LRIG3: variants seen among roughly 807,000 people sequenced by gnomAD.
LRIG3 encodes the protein leucine-rich repeats and immunoglobulin-like domains protein 3.
A neutral mutation model predicts 114.5 loss-of-function variants in LRIG3; 76 were observed. The ratio of observed to expected loss-of-function variants is 0.66; its 90% CI spans 0.55 to 0.80. The LOEUF is 0.80. LRIG3 is among the 30% of genes least tolerant of loss of function. The pLI, the probability that LRIG3 is intolerant of heterozygous loss-of-function variation, is 0.00. For missense variants in LRIG3, 1,239 were observed against 1,382.8 expected (o/e 0.90, Z 1.65); for synonymous variants, 512 against 519.8 (o/e 0.98, Z 0.20).
Position 58,878,902 on chromosome 12 carries a change from C to T in LRIG3, c.2005G>A (p.Glu669Lys). Reference protein sequence around the residue: ...DVFFIVDVKIEDIGVYSCTAQ... With the variant: ...DVFFIVDVKIKDIGVYSCTAQ... The stretch of plus-strand genomic sequence containing the variant: ...GTGCAGCTGTATACCCCAATGTCCT[C>T]TATCTTCACATCCACGATAAAGAAC... The change falls in exon 14 of 19, where the codon GAG becomes AAG. Residue 669 changes from glutamate (E) to lysine (K), a missense_variant. Coordinates refer to ENST00000320743, the MANE Select transcript of LRIG3 (RefSeq NM_153377.5). 6.2e-7 allele frequency: 1 copy of T among 1,614,210 alleles called. No homozygotes were observed. Among genetic ancestry groups the T allele is most frequent in the Non-Finnish European group, 8.5e-7 (1 of 1,180,048 alleles).
intron 7 of LRIG3, among the ~76,000 whole-genome samples, 190 bp downstream of exon 7, chr12:58,888,139 G>A (rs913454068): frequency 3.3e-5 from 5 of 152,058 alleles, no homozygotes; most frequent in African/African-American, 9.7e-5. Context: ...TTTTGCCAAC[G>A]TGACATAGAA....
At chr12:58,918,241 A>G (rs1872548454) in intron 1 of LRIG3, among the ~76,000 whole-genome samples, 1 of 152,256 alleles carries the variant, frequency 6.6e-6, no homozygotes, top group Admixed American at 6.5e-5. Context: ...AAATGTAATT[A>G]AAGACTGTGC....
chr12:58,915,262 C>T (rs547802936), intron 1 of LRIG3, among the ~76,000 whole-genome samples: 154 of 152,198 alleles, frequency 1.0e-3, no homozygotes, highest in African/African-American at 3.5e-3. Context: ...GATGAAAAAC[C>T]GGGATAACAA....
chr12:58,912,749 C>T (rs1408803477), intron 3 of LRIG3, among the ~76,000 whole-genome samples: 1 of 152,150 alleles, frequency 6.6e-6, no homozygotes, highest in Non-Finnish European at 1.5e-5. Flanking sequence ...AAAAAGGCCA[C>T]CTTGGTCAAA....
chr12:58,879,413 T>G (rs1871042444), intron 13 of LRIG3, among the ~76,000 whole-genome samples: 1 of 152,202 alleles, frequency 6.6e-6, no homozygotes, highest in South Asian at 2.1e-4. Flanking sequence ...AACTGTGAGA[T>G]CTTGGGTGTA....
chr12:58,917,429 G>A (rs1202744160), intron 1 of LRIG3, among the ~76,000 whole-genome samples: 1 of 152,096 alleles, frequency 6.6e-6, no homozygotes, highest in East Asian at 1.9e-4. Flanking sequence ...TGCCTTTAAT[G>A]GCAGTTGTGA....
Position 58,887,834 on chromosome 12 carries a change from T to C in LRIG3, c.1046A>G (p.Tyr349Cys). The C allele has an allele frequency of 6.2e-7, 1 of 1,613,854 alleles. No homozygotes were observed. Among genetic ancestry groups the C allele is most frequent in the Non-Finnish European group, 8.5e-7 (1 of 1,179,812 alleles). ...CCCCCGGAAGGCACAATCAGCAATG[T>C]AGCTGACTCTGTTGTTCCCAATGTG... The part of the protein sequence containing the change: ...TLHIGNNRVS[Y>C]IADCAFRGLS... The change falls in exon 8 of 19, where the codon TAC (tyrosine) becomes TGC (cysteine). Residue 349 changes from tyrosine (Y) to cysteine (C), a missense_variant. Transcript: ENST00000320743.
chr12:58,872,744 T>C lies in LRIG3; in HGVS notation c.3188A>G (p.Gln1063Arg). The C allele has an allele frequency of 6.2e-7, 1 of 1,614,144 alleles. No individual in the cohort carries two copies. Among genetic ancestry groups the C allele is most frequent in the Non-Finnish European group, 8.5e-7 (1 of 1,179,986 alleles). ...AGCTTTCAAATAAAAGGCTCTTGGC[T>C]GACAATCTGATGGCTGTCCAAAGCT... The part of the protein sequence containing the change: ...YSSFGQPSDC[Q>R]PRAFYLKAHS... Residue 1063 changes from glutamine to arginine, a missense_variant, in exon 19 of 19, where the codon CAG (glutamine) becomes CGG (arginine). Physicochemically the swap from Gln to Arg is conservative, Grantham distance 43. Transcript: ENST00000320743.
chr12:58,875,723 T>C (rs1055831385), intron 16 of LRIG3, among the ~76,000 whole-genome samples: 2 of 152,166 alleles, frequency 1.3e-5, no homozygotes, highest in African/African-American at 4.8e-5. Context: ...CTATGCAGCA[T>C]TGAAAGCAAG....
chr12:58,897,904 C>T (rs925588274), intron 3 of LRIG3, among the ~76,000 whole-genome samples: 2 of 152,154 alleles, frequency 1.3e-5, no homozygotes, highest in Non-Finnish European at 2.9e-5. Flanking sequence ...TTGAGTCTCC[C>T]CTACTAGGCT....
chr12:58,881,976 C>G (rs1298906872), intron 12 of LRIG3, among the ~76,000 whole-genome samples: 1 of 152,174 alleles, frequency 6.6e-6, no homozygotes, highest in Non-Finnish European at 1.5e-5. Flanking sequence ...GCAGTTCAGG[C>G]CCTTACAGAT....
chr12:58,873,938 G>T, intron 18 of LRIG3, 117 bp downstream of exon 18: 9 of 1,193,210 alleles, frequency 7.5e-6, no homozygotes, highest in Non-Finnish European at 1.1e-5. Flanking sequence ...TGTCATGGCA[G>T]CCTCATTCAA....
chr12:58,891,433 TCTC>T (rs1871452778), intron 3 of LRIG3, among the ~76,000 whole-genome samples: 1 of 152,014 alleles, frequency 6.6e-6, no homozygotes, highest in Non-Finnish European at 1.5e-5. Flanking sequence ...TCTGCTCCCT[TCTC>T]CTTATTAAAT....
At position 58,874,249 on chromosome 12, in the gene LRIG3, G is replaced by C. The variant is rs113449024; in HGVS notation, c.2921C>G (p.Ser974Cys). ...YIKKKECYPC[S>C]HPSEESCERS... ...TTCGCAGGATTCTTCTGAAGGATGAGAACATGGGTAGCACTCCTTTTTCTT... is the reference window on the plus strand; with the variant it reads ...TTCGCAGGATTCTTCTGAAGGATGACAACATGGGTAGCACTCCTTTTTCTT... Residue 974 changes from serine (S) to cysteine (C), a missense_variant, in exon 18 of 19, where the codon TCT (serine) becomes TGT (cysteine). Transcript: ENST00000320743. 3.1e-6 allele frequency: 5 copies of C among 1,614,186 alleles called. No individual in the cohort carries two copies. Among genetic ancestry groups the C allele is most frequent in the Middle Eastern group, 1.6e-4 (1 of 6,062 alleles).
At chr12:58,884,292 T>G (rs994212831) in intron 10 of LRIG3, among the ~76,000 whole-genome samples, 3 of 152,194 alleles carry the variant, frequency 2.0e-5, no homozygotes, top group African/African-American at 7.2e-5. Flanking sequence ...TACAGAGACT[T>G]ATAAGCACTC....
chr12:58,881,839 TAATA>T (rs946068962), intron 12 of LRIG3, among the ~76,000 whole-genome samples: 1 of 152,224 alleles, frequency 6.6e-6, no homozygotes, highest in African/African-American at 2.4e-5. Flanking sequence ...AATTCTCATC[TAATA>T]AATCGATGTT....
Position 58,885,868 on chromosome 12 carries a change from T to C in LRIG3, c.1207A>G (p.Lys403Glu). 6.3e-7 allele frequency: 1 copy of C among 1,591,424 alleles called. No individual in the cohort carries two copies. Among genetic ancestry groups the C allele is most frequent in the Non-Finnish European group, 8.6e-7 (1 of 1,165,734 alleles). Reference sequence around the variant, plus strand: ...GCATCCAAACCAGTGAAGGCTTTTTTAGTAATAGAACGGATCCGATTTCCT... The same window carrying C: ...GCATCCAAACCAGTGAAGGCTTTTTCAGTAATAGAACGGATCCGATTTCCT... ...LQGNRIRSIT[K>E]KAFTGLDALE... The change falls in exon 10 of 19, where the codon AAA becomes GAA. Residue 403 changes from lysine (K) to glutamate (E), a missense_variant. Coordinates refer to ENST00000320743, the MANE Select transcript of LRIG3 (RefSeq NM_153377.5).
intron 3 of LRIG3, among the ~76,000 whole-genome samples, chr12:58,902,367 A>G (rs1170651846): frequency 6.6e-6 from 1 of 152,134 alleles, no homozygotes; most frequent in African/African-American, 2.4e-5. Flanking sequence ...TGACAGTCGG[A>G]GAATGTCTAC....
intron 15 of LRIG3, 31 bp from the exon 16 acceptor site, chr12:58,876,634 A>C (rs1284921200): frequency 6.2e-7 from 1 of 1,611,948 alleles, no homozygotes; most frequent in Non-Finnish European, 8.5e-7. Context: ...TTTATTAACC[A>C]AGGATGATCG....
Sources: gnomAD v4.1 joint callset for allele counts (sites outside exome capture counted in the v4.1 genomes callset) on GRCh38, gnomAD v4.1.1 for gene constraint, MANE v1.5 for transcripts, NCBI Gene and HGNC (gene_info 2026-07-23, HGNC 2026-07-21) for gene names.